The following GBP6 variants were observed in gnomAD, a reference collection of about 807,000 sequenced individuals.
The protein encoded by GBP6 is guanylate-binding protein 6.
GBP6 carries 54 observed loss-of-function variants against 61.5 expected under a neutral mutation model. The ratio of observed to expected loss-of-function variants is 0.88; its 90% CI spans 0.71 to 1.10. GBP6 has a LOEUF of 1.10. Among genes scored for constraint, GBP6 ranks in the 50% least tolerant of loss-of-function variants. GBP6 has a pLI of 0.00. For synonymous variants in GBP6, 255 were observed against 273.7 expected, an observed-to-expected ratio of 0.93 and a Z score of 0.67; for missense variants, 748 against 752.8, an observed-to-expected ratio of 0.99 and a Z score of 0.07.
At chr1:89,376,770 C>T (rs1210790251) in intron 3 of GBP6, among the ~76,000 whole-genome samples, 3 of 152,024 alleles carry the variant, frequency 2.0e-5, no homozygotes, top group East Asian at 1.9e-4. Flanking sequence ...CAGGTTGAGA[C>T]AGCGGAGGTG....
chr1:89,385,146 T>C, intron 10 of GBP6, 84 bp from the exon 11 acceptor site: 2 of 1,259,710 alleles, frequency 1.6e-6, no homozygotes, highest in Non-Finnish European at 2.2e-6. Flanking sequence ...AAATAAAGTT[T>C]CACACAGGTT....
rs1267622012 is a variant in GBP6 at position 89,381,984 on chromosome 1, C to T, written c.1152+10C>T. 6.3e-7 allele frequency: 1 copy of T among 1,596,884 alleles called. No individual in the cohort carries two copies. Among genetic ancestry groups the T allele is most frequent in the South Asian group, 1.1e-5 (1 of 87,900 alleles). On this transcript the variant is annotated intron_variant, in intron 7 of 10. Coordinates refer to ENST00000370456, the MANE Select transcript of GBP6 (RefSeq NM_198460.3). ...CCAGAAGAAGTTCATGGTAATTTGC[C>T]TTAGTCATTACTGTTCATCATCCTT... is the stretch of plus-strand genomic sequence containing the variant.
At chr1:89,378,239 C>T (rs1298547667) in intron 4 of GBP6, 27 bp downstream of exon 4, 5 of 1,587,544 alleles carry the variant, frequency 3.1e-6, no homozygotes, top group Non-Finnish European at 3.4e-6. Flanking sequence ...AGAACAGAAC[C>T]ACCAGGTTTC....
rs1305618117 is a variant in GBP6, at chr1:89,381,970, T to G, written c.1148T>G (p.Phe383Cys). 6.2e-7 allele frequency: 1 copy of G among 1,605,238 alleles called. No individual in the cohort carries two copies. Among genetic ancestry groups the G allele is most frequent in the South Asian group, 1.1e-5 (1 of 89,992 alleles). Reference protein sequence around the residue: ...KDENQEFQKKFMETTMNKKGD... With the variant: ...KDENQEFQKKCMETTMNKKGD... ...GAAAATCAGGAATTCCAGAAGAAGT[T>G]CATGGTAATTTGCCTTAGTCATTAC... Residue 383 changes from phenylalanine to cysteine, a missense_variant, in exon 7 of 11, where the codon TTC becomes TGC. Phe to Cys is a radical substitution (Grantham distance 205). Coordinates refer to ENST00000370456, the MANE Select transcript of GBP6 (RefSeq NM_198460.3).
At chr1:89,376,962 A>C (rs1652826876) in intron 3 of GBP6, among the ~76,000 whole-genome samples, 3 of 152,178 alleles carry the variant, frequency 2.0e-5, no homozygotes, top group Admixed American at 6.6e-5. Context: ...ACTTCTAAGA[A>C]GAATCCTCAT....
In GBP6 at chr1:89,384,091, A is replaced by T; in HGVS notation, c.1469-2A>T. On this transcript the variant is annotated splice_acceptor_variant, in intron 9 of 10. Transcript: ENST00000370456. LOFTEE classifies it high-confidence loss of function. ...TCTCTTTCTAATACCTTCATGGAGCAGTGGATCGGGCCAAGAAGGAGGCAG... is the reference window on the plus strand; with the variant it reads ...TCTCTTTCTAATACCTTCATGGAGCTGTGGATCGGGCCAAGAAGGAGGCAG... 3 of 1,607,018 alleles carry T rather than the reference A, an allele frequency of 1.9e-6. No homozygotes were observed. Among genetic ancestry groups the T allele is most frequent in the Non-Finnish European group, 2.5e-6 (3 of 1,177,360 alleles).
chr1:89,375,033 G>C (rs1440232880), intron 3 of GBP6, among the ~76,000 whole-genome samples: 3 of 151,994 alleles, frequency 2.0e-5, no homozygotes, highest in Non-Finnish European at 2.9e-5. Flanking sequence ...TTGGTTTTCT[G>C]TTCCTGCATT....
intron 8 of GBP6, 124 bp from the exon 9 acceptor site, chr1:89,383,528 T>A: frequency 1.5e-6 from 1 of 681,218 alleles, no homozygotes; most frequent in Non-Finnish European, 2.6e-6. Context: ...GCACACTTTG[T>A]AGGGGGCCAC....
chr1:89,373,504 T>C (rs946533055), intron 3 of GBP6, among the ~76,000 whole-genome samples: 9 of 152,228 alleles, frequency 5.9e-5, no homozygotes, highest in African/African-American at 2.2e-4. Context: ...GATGAGTTCA[T>C]GTCCTTTGTA....
At chr1:89,368,866 C>T (rs1158176520) in intron 2 of GBP6, 125 bp downstream of exon 2, 1 of 746,774 alleles carries the variant, frequency 1.3e-6, no homozygotes, top group Non-Finnish European at 2.1e-6. Context: ...CCTTCTCATT[C>T]CAATTCTTAC....
At chr1:89,378,772 A>C (rs1368304236) in intron 5 of GBP6, among the ~76,000 whole-genome samples, 159 bp downstream of exon 5, 1 of 152,228 alleles carries the variant, frequency 6.6e-6, no homozygotes, top group African/African-American at 2.4e-5. Flanking sequence ...AATGGAGCCT[A>C]GTTCACTTAA....
At chr1:89,370,805 T>G (rs1156855540) in intron 3 of GBP6, among the ~76,000 whole-genome samples, 14 of 152,224 alleles carry the variant, frequency 9.2e-5, no homozygotes, top group Admixed American at 9.2e-4. Flanking sequence ...TACCGTTTTC[T>G]TTTTTCTATG....
At chr1:89,370,667 A>C (rs75185976) in intron 3 of GBP6, among the ~76,000 whole-genome samples, 2,218 of 152,228 alleles carry the variant, frequency 0.015, 28 homozygotes, top group Non-Finnish European at 0.023. Flanking sequence ...TTTCTGCTTT[A>C]GTGTTGTATA....
chr1:89,375,792 C>T (rs1355093110), intron 3 of GBP6, among the ~76,000 whole-genome samples: 1 of 152,122 alleles, frequency 6.6e-6, no homozygotes, highest in Non-Finnish European at 1.5e-5. Context: ...GCTTTTGTCA[C>T]CTGTGCTTTC....
intron 3 of GBP6, among the ~76,000 whole-genome samples, chr1:89,371,825 A>G (rs901192956): frequency 2.6e-5 from 4 of 152,236 alleles, no homozygotes; most frequent in African/African-American, 7.2e-5. Context: ...GCAATAAGGC[A>G]GGAGAAAGAA....
chr1:89,378,635 T>C, intron 5 of GBP6, 22 bp downstream of exon 5: 1 of 1,587,352 alleles, frequency 6.3e-7, no homozygotes, highest in Non-Finnish European at 8.6e-7. Flanking sequence ...TGGCCTGGGC[T>C]GTGGGTGGTC....
chr1:89,366,638 A>T (rs1280959543), intron 1 of GBP6, among the ~76,000 whole-genome samples: 1 of 152,194 alleles, frequency 6.6e-6, no homozygotes, highest in Non-Finnish European at 1.5e-5. Context: ...GTAGCATAAC[A>T]CAGAGGAATA....
intron 1 of GBP6, among the ~76,000 whole-genome samples, chr1:89,366,310 C>T (rs1165488320): frequency 1.3e-5 from 2 of 152,112 alleles, no homozygotes; most frequent in African/African-American, 4.8e-5. Flanking sequence ...GAGAACCTGA[C>T]CCTTCTAGGC....
intron 1 of GBP6, among the ~76,000 whole-genome samples, chr1:89,366,639 C>CA (rs1031704390): frequency 1.3e-5 from 2 of 152,200 alleles, no homozygotes; most frequent in African/African-American, 2.4e-5. Flanking sequence ...TAGCATAACA[C>CA]AGAGGAATAG....
Sources: allele counts gnomAD v4.1 joint callset (sites outside exome capture counted in the v4.1 genomes callset), GRCh38; gene constraint gnomAD v4.1.1; transcripts MANE v1.5; gene names NCBI Gene and HGNC (gene_info 2026-07-23, HGNC 2026-07-21).